The following OSCP1 variants were observed in gnomAD, a reference collection of about 807,000 sequenced individuals.
OSCP1 encodes the protein protein OSCP1.
Under a neutral mutation model 45.1 loss-of-function variants are expected in OSCP1, and 35 were observed. The observed-to-expected ratio is 0.78, with a 90% CI of 0.59 to 1.03. The LOEUF is 1.03. Ranked by LOEUF, OSCP1 falls within the 50% of genes least tolerant of loss-of-function variation. The probability of loss-of-function intolerance (pLI) is 0.00; values close to 1 mark genes in which losing one functional copy is unlikely to be tolerated. For synonymous variants in OSCP1, 179 were observed against 180.1 expected (o/e 0.99, Z 0.05); for missense variants, 400 against 470.7 (o/e 0.85, Z 1.39).
chr1:36,446,393 T>A (rs528072812), intron 1 of OSCP1, among the ~76,000 whole-genome samples: 2 of 152,286 alleles, frequency 1.3e-5, no homozygotes, highest in African/African-American at 2.4e-5. Context: ...GGAGTTTTAA[T>A]CCCCTTGCAG....
chr1:36,434,659 A>G (rs1648592679), intron 2 of OSCP1, among the ~76,000 whole-genome samples: 1 of 148,014 alleles, frequency 6.8e-6, no homozygotes, highest in Non-Finnish European at 1.5e-5. Context: ...CTGAGACAGG[A>G]GAATTGCTTG....
At chr1:36,448,100 C>A (rs887744613) in intron 1 of OSCP1, among the ~76,000 whole-genome samples, 12 of 152,176 alleles carry the variant, frequency 7.9e-5, no homozygotes, top group African/African-American at 2.7e-4. Context: ...ATCCTTACAA[C>A]TTTGCTTTAA....
rs112735791 is a variant in OSCP1 at position 36,449,251 on chromosome 1, G to A, written c.112+1007C>T. Among the ~76,000 whole-genome samples, 1,056 of 152,190 alleles carry A rather than the reference G, an allele frequency of 6.9e-3. 14 individuals carry two copies. The highest frequency in any genetic ancestry group is 0.024 in the African/African-American group (987 of 41,512). ...ATTTGGTATAAGCAAGTTGTTTGCC[G>A]AGAAGGGAGGAAAAGAGGAAAAGGA... On this transcript the variant is annotated intron_variant, in intron 1 of 9. Transcript: ENST00000235532.
At chr1:36,428,112 C>G (rs1434421580) in intron 4 of OSCP1, 1 of 296,938 alleles carries the variant, frequency 3.4e-6, no homozygotes, top group Non-Finnish European at 4.8e-6. Context: ...ATTGCTTGAA[C>G]CAGGGAGGTG....
chr1:36,422,538 C>T (rs1371194406), intron 6 of OSCP1, among the ~76,000 whole-genome samples: 1 of 152,182 alleles, frequency 6.6e-6, no homozygotes, highest in Non-Finnish European at 1.5e-5. Context: ...AGTTCTCTTG[C>T]ATGGCTATTG....
At chr1:36,439,647 T>C (rs116014700) in intron 1 of OSCP1, among the ~76,000 whole-genome samples, 2,107 of 152,360 alleles carry the variant, frequency 0.014, 27 homozygotes, top group African/African-American at 0.041. Context: ...TAGACAAGTC[T>C]ACCCACTGGT....
At position 36,429,385 on chromosome 1, in the gene OSCP1, C is replaced by CAAA. The variant is rs57925548; in HGVS notation, c.516+2414_516+2416dup. ...TGGGCAACAAAATGAGAACCTGTCT[C>CAAA]AAAAAAAAAAAAAAAGAGAAACATG... is the stretch of plus-strand genomic sequence containing the variant. On this transcript the variant is annotated intron_variant, in intron 4 of 9. Coordinates refer to ENST00000235532, the MANE Select transcript of OSCP1 (RefSeq NM_145047.5). Among the ~76,000 whole-genome samples the CAAA allele has an allele frequency of 1.1e-4, 14 of 127,460 alleles. No homozygotes were observed. In the South Asian group the frequency reaches 1.7e-3, roughly 16 times the overall value. The allele number at this position is 127,460 out of a possible 152,430, so 83.6% of individuals were successfully genotyped here. A position where few individuals can be genotyped will look rare whatever the true frequency, so the allele number is the denominator to read the frequency against.
At chr1:36,421,506 C>T (rs1476918117) in intron 7 of OSCP1, among the ~76,000 whole-genome samples, 1 of 152,242 alleles carries the variant, frequency 6.6e-6, no homozygotes, top group African/African-American at 2.4e-5. Context: ...TGGCACAGCA[C>T]TTTGTGCAGG....
chr1:36,446,759 C>T (rs961622858), intron 1 of OSCP1, among the ~76,000 whole-genome samples: 1 of 152,196 alleles, frequency 6.6e-6, no homozygotes, highest in Non-Finnish European at 1.5e-5. Flanking sequence ...ATTGGCATGT[C>T]TTGGAAAAAT....
intron 1 of OSCP1, among the ~76,000 whole-genome samples, chr1:36,440,273 C>G (rs996830725): frequency 3.3e-5 from 5 of 152,244 alleles, no homozygotes; most frequent in Admixed American, 3.3e-4. Context: ...AGGGCTCAGG[C>G]CCGCATTTTA....
chr1:36,423,437 C>T lies in OSCP1; in HGVS notation c.546G>A (p.Gln182=), dbSNP rs773656443. ...RVSMFLKDKV[Q]NNNGRFVLPV... ...GCAACACAAAGCGACCGTTATTATT[C>T]TGAACTTTGTCCTTTAGAAACATGG... Residue 182 remains glutamine, a synonymous_variant, in exon 5 of 10, where the codon CAG becomes CAA. Coordinates refer to ENST00000235532, the MANE Select transcript of OSCP1 (RefSeq NM_145047.5). 1.2e-6 allele frequency: 2 copies of T among 1,612,662 alleles called. No individual in the cohort carries two copies. The highest frequency in any genetic ancestry group is 1.7e-6 in the Non-Finnish European group (2 of 1,179,468).
In OSCP1 at chr1:36,448,000, T is replaced by C. The variant is rs16823009; in HGVS notation, c.112+2258A>G. On this transcript the variant is annotated intron_variant, in intron 1 of 9. Coordinates refer to ENST00000235532, the MANE Select transcript of OSCP1 (RefSeq NM_145047.5). The surrounding 1 kb of genome is among the most constrained non-coding windows in gnomAD (Gnocchi z 4.1). ...ATAACTCCTAAAGGTAAAGCTGTCC[T>C]CTAGTATTCCAAGGGCCTTGTCCAG... 0.1 allele frequency: 39,563 copies of C among 383,742 alleles called. 2,487 individuals carry two copies. Among genetic ancestry groups the C allele is most frequent in the East Asian group, 0.3 (4,001 of 13,368 alleles). 23.8% of individuals were successfully genotyped at this position (383,742 alleles called of 1,614,324 possible).
intron 2 of OSCP1, among the ~76,000 whole-genome samples, chr1:36,434,088 T>C (rs1648552465): frequency 6.6e-6 from 1 of 152,016 alleles, no homozygotes. Context: ...GGGATGATGC[T>C]ATTGATGGAG....
At chr1:36,431,027 G>A (rs1391881914) in intron 4 of OSCP1, among the ~76,000 whole-genome samples, 3 of 152,236 alleles carry the variant, frequency 2.0e-5, no homozygotes, top group Non-Finnish European at 2.9e-5. Flanking sequence ...CTGGTTCTGA[G>A]TCAAGTGAGT....
In OSCP1 at chr1:36,417,986, A is replaced by T. The variant is rs1004500883; in HGVS notation, c.*153T>A. 18 of 593,230 alleles carry T rather than the reference A, an allele frequency of 3.0e-5. No homozygotes were observed. Among genetic ancestry groups the T allele is most frequent in the Middle Eastern group, 4.2e-4 (1 of 2,358 alleles). The allele number at this position is 593,230 out of a possible 1,614,324, so 36.7% of individuals were successfully genotyped here. ...CAAGAGTGAGTGCTCCTCAAGGGAG[A>T]CTCACACAGTTCCTTACAACATAAA... On this transcript the variant is annotated 3_prime_UTR_variant, in exon 10 of 10. Coordinates refer to ENST00000235532, the MANE Select transcript of OSCP1 (RefSeq NM_145047.5).
chr1:36,423,895 A>G (rs573027414), intron 4 of OSCP1, among the ~76,000 whole-genome samples: 1 of 152,024 alleles, frequency 6.6e-6, no homozygotes, highest in South Asian at 2.1e-4. Flanking sequence ...AAAATAAAAA[A>G]AAGAAGGGAG....
chr1:36,423,889 TAAA>T (rs1246615363), intron 4 of OSCP1, among the ~76,000 whole-genome samples: 1 of 149,992 alleles, frequency 6.7e-6, no homozygotes, highest in African/African-American at 2.5e-5. Context: ...AATAAAAAAA[TAAA>T]AAAAAGAAGG....
intron 2 of OSCP1, 70 bp from the exon 3 acceptor site, chr1:36,432,659 G>A (rs1648451196): frequency 6.3e-7 from 1 of 1,589,838 alleles, no homozygotes. Context: ...TCCAAACAGT[G>A]ATTCAGTCAA....
At chr1:36,433,650 A>G (rs544831548) in intron 2 of OSCP1, among the ~76,000 whole-genome samples, 1 of 152,340 alleles carries the variant, frequency 6.6e-6, no homozygotes, top group East Asian at 1.9e-4. Context: ...ATATAAAATA[A>G]AAGCTGAATT....
Sources: allele counts gnomAD v4.1 joint callset (sites outside exome capture counted in the v4.1 genomes callset), GRCh38; gene constraint gnomAD v4.1.1; non-coding constraint Gnocchi (gnomAD v3.1); transcripts MANE v1.5; gene names NCBI Gene and HGNC (gene_info 2026-07-23, HGNC 2026-07-21).